The following ERCC5 variants were observed in gnomAD, a reference collection of about 807,000 sequenced individuals.
ERCC5 encodes the protein ERCC excision repair 5, endonuclease.
ERCC5 carries 68 observed loss-of-function variants against 105.6 expected under a neutral mutation model. That is an observed-to-expected ratio of 0.64 (90% confidence interval 0.53 to 0.79). The LOEUF (loss-of-function observed/expected upper bound fraction) is 0.79, where lower values mean the gene tolerates loss of function less well. Ranked by LOEUF, ERCC5 falls within the 30% of genes least tolerant of loss-of-function variation. ERCC5 has a pLI of 0.00. For synonymous variants in ERCC5, 546 were observed against 526.2 expected, an observed-to-expected ratio of 1.04 and a Z score of -0.51; for missense variants, 1,373 against 1,426.7, an observed-to-expected ratio of 0.96 and a Z score of 0.61.
chr13:102,846,224 G>C lies in ERCC5; in HGVS notation c.-43G>C. On this transcript the variant is annotated 5_prime_UTR_variant, in exon 1 of 15. Transcript: ENST00000652225. Reference sequence around the variant, plus strand: ...GGTGCAGTCCGTCGTAGAAGAATTAGAGTAGAAGTTGTCGGGGTCCGCTCT... The same window carrying C: ...GGTGCAGTCCGTCGTAGAAGAATTACAGTAGAAGTTGTCGGGGTCCGCTCT... The C allele has an allele frequency of 1.3e-6, 2 of 1,538,924 alleles. No homozygotes were observed. The highest frequency in any genetic ancestry group is 3.4e-5 in the Admixed American group (2 of 58,096).
chr13:102,864,547 A>G (rs147965659), intron 8 of ERCC5, among the ~76,000 whole-genome samples: 57 of 152,264 alleles, frequency 3.7e-4, no homozygotes, highest in Middle Eastern at 6.8e-3. Flanking sequence ...AGCTTTGGCC[A>G]TTGGGGCTCC....
Position 102,872,373 on chromosome 13 carries a change from A to T in ERCC5, c.2854A>T (p.Lys952Ter). 6.2e-7 allele frequency: 1 copy of T among 1,614,168 alleles called. No homozygotes were observed. Among genetic ancestry groups the T allele is most frequent in the Non-Finnish European group, 8.5e-7 (1 of 1,180,030 alleles). Residue 952 changes from lysine to a stop codon, truncating the protein, a stop_gained, in exon 13 of 15, where the codon AAA (lysine) becomes TAA (stop). Coordinates refer to ENST00000652225, the MANE Select transcript of ERCC5 (RefSeq NM_000123.4). LOFTEE classifies it high-confidence loss of function. Reference sequence around the variant, plus strand: ...CTCGAAGGGATCCTTTCTGTGGGGGAAACCTGATCTCGACAAAATTAGAGA... The same window carrying T: ...CTCGAAGGGATCCTTTCTGTGGGGGTAACCTGATCTCGACAAAATTAGAGA... ...DDSKGSFLWG[K>*]PDLDKIREFC...
chr13:102,862,355 AGT>A lies in ERCC5; in HGVS notation c.1212_1213del (p.Ala405TrpfsTer3), dbSNP rs760972036. ...RALDDDEDVK[V>X]CAGDDVQTGG... Reference sequence around the variant, plus strand: ...CTCTTGACGATGACGAAGATGTAAAAGTGTGTGCTGGGGATGATGTGCAGACG... The same window carrying A: ...CTCTTGACGATGACGAAGATGTAAAAGTGTGCTGGGGATGATGTGCAGACG... On this transcript the variant is annotated frameshift_variant, in exon 8 of 15. Coordinates refer to ENST00000652225, the MANE Select transcript of ERCC5 (RefSeq NM_000123.4). LOFTEE classifies it high-confidence loss of function. The A allele has an allele frequency of 6.2e-7, 1 of 1,614,168 alleles. No individual in the cohort carries two copies. The highest frequency in any genetic ancestry group is 1.1e-5 in the South Asian group (1 of 91,076).
chr13:102,852,030 C>T (rs948254846), intron 1 of ERCC5, 88 bp from the exon 2 acceptor site: 7 of 1,432,894 alleles, frequency 4.9e-6, no homozygotes, highest in East Asian at 2.3e-5. Flanking sequence ...TAGTGTTCAA[C>T]GTTTGGATAA....
Position 102,861,687 on chromosome 13 carries a change from GAC to G in ERCC5, c.856_857del (p.Thr286PhefsTer12). ...AGAGTCAAGGAGAGTGGTCTCTGAA[GAC>G]ACTTCACATTACATCTTGATAAAAG... is the stretch of plus-strand genomic sequence containing the variant. Reference protein sequence around the residue: ...EVESRRVVSEDTSHYILIKGI... With the variant: ...EVESRRVVSEXTSHYILIKGI... On this transcript the variant is annotated frameshift_variant, in exon 7 of 15. Transcript: ENST00000652225. LOFTEE classifies it high-confidence loss of function. 1 of 1,614,088 alleles carries G rather than the reference GAC, an allele frequency of 6.2e-7. No individual in the cohort carries two copies. Among genetic ancestry groups the G allele is most frequent in the Non-Finnish European group, 8.5e-7 (1 of 1,180,014 alleles).
chr13:102,869,217 C>T lies in ERCC5; in HGVS notation c.2678+960C>T, dbSNP rs938754007. Among the ~76,000 whole-genome samples, 6 of 152,296 alleles carry T rather than the reference C, an allele frequency of 3.9e-5. No individual in the cohort carries two copies. In the South Asian group the frequency reaches 1.0e-3, roughly 26 times the overall value. On this transcript the variant is annotated intron_variant, in intron 12 of 14. Coordinates refer to ENST00000652225, the MANE Select transcript of ERCC5 (RefSeq NM_000123.4). ...CATGGTCTTCCAGTCATAGCACACT[C>T]ACCAATGTGTTGTATTTTATACTTT...
rs745385327 is a variant in ERCC5, at chr13:102,846,220, A to G, written c.-47A>G. The G allele has an allele frequency of 2.6e-5, 39 of 1,525,062 alleles. No individual in the cohort carries two copies. Among genetic ancestry groups the G allele is most frequent in the Non-Finnish European group, 3.3e-5 (36 of 1,106,612 alleles). The allele number at this position is 1,525,062 out of a possible 1,614,324, so 94.5% of individuals were successfully genotyped here. ...CGGCGGTGCAGTCCGTCGTAGAAGA[A>G]TTAGAGTAGAAGTTGTCGGGGTCCG... On this transcript the variant is annotated 5_prime_UTR_variant, in exon 1 of 15. Coordinates refer to ENST00000652225, the MANE Select transcript of ERCC5 (RefSeq NM_000123.4).
intron 14 of ERCC5, among the ~76,000 whole-genome samples, chr13:102,874,258 C>T (rs931669862): frequency 1.3e-5 from 2 of 152,118 alleles, no homozygotes; most frequent in African/African-American, 4.8e-5. Flanking sequence ...TAGTTACCTC[C>T]TCTAATACAG....
chr13:102,861,952 T>C, intron 7 of ERCC5, 78 bp from the exon 8 acceptor site: 1 of 1,553,800 alleles, frequency 6.4e-7, no homozygotes, highest in Non-Finnish European at 8.9e-7. Context: ...AGAACCAGTG[T>C]TCTCTTATCC....
chr13:102,861,885 A>C (rs1412902640), intron 7 of ERCC5, 145 bp from the exon 8 acceptor site: 1 of 1,355,784 alleles, frequency 7.4e-7, no homozygotes, highest in Admixed American at 2.0e-5. Context: ...CTTTAAAATT[A>C]GCTAATGAAT....
chr13:102,856,112 G>A lies in ERCC5; in HGVS notation c.528G>A (p.Gln176=). Reference sequence around the variant, plus strand: ...GAATGAATCAAAAACAAGCATTACAGGTATTTAGATCATTTTTGAATTCAG... The same window carrying A: ...GAATGAATCAAAAACAAGCATTACAAGTATTTAGATCATTTTTGAATTCAG... ...QERMNQKQAL[Q]EEFFHNPQAI... is the part of the protein sequence containing the mutation. The change falls in exon 5 of 15, where the codon CAG becomes CAA. Residue 176 remains glutamine, a splice_region_variant and synonymous_variant. Transcript: ENST00000652225. 1 of 1,612,650 alleles carries A rather than the reference G, an allele frequency of 6.2e-7. No individual in the cohort carries two copies. Among genetic ancestry groups the A allele is most frequent in the South Asian group, 1.1e-5 (1 of 91,050 alleles).
In ERCC5 at chr13:102,863,101, A is replaced by T; in HGVS notation, c.1952A>T (p.Asp651Val). Residue 651 changes from aspartate to valine, a missense_variant and splice_region_variant, in exon 8 of 15, where the codon GAT becomes GTT. Physicochemically the swap from Asp to Val is radical, Grantham distance 152 (BLOSUM62 -3). Transcript: ENST00000652225. ...ATTGACTCGGAAGAAAGTGAATCTG[A>T]TGGTACGTGTCTGTGCTTTTGTAGA... ...MEIDSEESES[D>V]GSFIEVQSVI... is the part of the protein sequence containing the mutation. 6.2e-7 allele frequency: 1 copy of T among 1,613,186 alleles called. No individual in the cohort carries two copies. The highest frequency in any genetic ancestry group is 8.5e-7 in the Non-Finnish European group (1 of 1,179,896).
intron 3 of ERCC5, 60 bp from the exon 4 acceptor site, chr13:102,854,228 C>G: frequency 6.4e-7 from 1 of 1,573,626 alleles, no homozygotes; most frequent in Non-Finnish European, 8.7e-7. Context: ...AGGTCAGGTC[C>G]CTGTTCACCA....
chr13:102,857,869 G>C (rs747610509), intron 5 of ERCC5, among the ~76,000 whole-genome samples: 108 of 151,940 alleles, frequency 7.1e-4, no homozygotes, highest in Non-Finnish European at 4.4e-4. Context: ...TCCACGTTCT[G>C]TTCATGTAAT....
intron 12 of ERCC5, 104 bp downstream of exon 12, chr13:102,868,361 A>C: frequency 3.5e-6 from 5 of 1,437,096 alleles, no homozygotes; most frequent in Non-Finnish European, 3.9e-6. Context: ...ACATGTGAAC[A>C]ATGGTTCACT....
chr13:102,866,289 C>A lies in ERCC5; in HGVS notation c.2227C>A (p.Leu743Ile), dbSNP rs746136086. The A allele has an allele frequency of 1.9e-6, 3 of 1,614,178 alleles. No individual in the cohort carries two copies. The Admixed American group carries it at 5.0e-5, about 27-fold the overall frequency. The change falls in exon 10 of 15, where the codon CTC becomes ATC. Residue 743 changes from leucine (L) to isoleucine (I), a missense_variant. Leu to Ile is a conservative substitution (Grantham distance 5). Transcript: ENST00000652225. ...GGAGTTGGAAACTCTGGAGAGCAAC[C>A]TCTTAGCACAGCAGAATTCACTGAA... ...LEELETLESNLLAQQNSLKAQ... is the reference protein window; with the variant it reads ...LEELETLESNILAQQNSLKAQ...
Position 102,853,846 on chromosome 13 carries a change from C to T in ERCC5, c.354C>T (p.Ala118=). The change falls in exon 3 of 15, where the codon GCC becomes GCT. Residue 118 remains alanine, a synonymous_variant. Coordinates refer to ENST00000652225, the MANE Select transcript of ERCC5 (RefSeq NM_000123.4). The stretch of plus-strand genomic sequence containing the variant: ...TGAAAACATTTTTGAAAAGACAAGC[C>T]ATCAAAACTGCCTTCAGAAGCAAAA... ...KLLKTFLKRQ[A]IKTAFRSKRD... 2 of 1,614,140 alleles carry T rather than the reference C, an allele frequency of 1.2e-6. No homozygotes were observed. The highest frequency in any genetic ancestry group is 1.7e-6 in the Non-Finnish European group (2 of 1,180,010).
At chr13:102,874,596 A>C (rs1408578348) in intron 14 of ERCC5, 1 of 152,202 alleles carries the variant, frequency 6.6e-6, no homozygotes, top group Non-Finnish European at 1.5e-5. Context: ...AACTCGGCTC[A>C]CTGCAAGCTC....
intron 12 of ERCC5, among the ~76,000 whole-genome samples, chr13:102,871,654 A>G (rs1415840282): frequency 6.6e-6 from 1 of 152,138 alleles, no homozygotes; most frequent in South Asian, 2.1e-4. Flanking sequence ...TTAAAAACAG[A>G]TACATGTATC....
Sources: gnomAD v4.1 joint callset for allele counts (sites outside exome capture counted in the v4.1 genomes callset) on GRCh38, gnomAD v4.1.1 for gene constraint, MANE v1.5 for transcripts, NCBI Gene and HGNC (gene_info 2026-07-23, HGNC 2026-07-21) for gene names.